Variants in XKR6 observed in about 807,000 individuals in gnomAD.
XKR6 encodes XK-related protein 6.
In XKR6, 22 loss-of-function variants were observed where a neutral mutation model predicts 56.7. That is an observed-to-expected ratio of 0.39 (90% CI 0.28 to 0.55). XKR6 has a LOEUF of 0.55. XKR6 is among the 20% of genes least tolerant of loss of function. The probability of loss-of-function intolerance (pLI) is 0.66; values close to 1 mark genes in which losing one functional copy is unlikely to be tolerated. For synonymous variants in XKR6, 524 were observed against 387.8 expected (o/e 1.35, Z -4.13); for missense variants, 852 against 889.0 (o/e 0.96, Z 0.53).
intron 1 of XKR6, among the ~76,000 whole-genome samples, chr8:11,176,256 T>C (rs1802649833): frequency 6.6e-6 from 1 of 152,254 alleles, no homozygotes; most frequent in African/African-American, 2.4e-5. Flanking sequence ...TCCTTTGTTT[T>C]GATCTTTATA....
intron 1 of XKR6, among the ~76,000 whole-genome samples, chr8:11,199,996 C>T (rs1366290538): frequency 2.6e-5 from 4 of 151,978 alleles, no homozygotes; most frequent in African/African-American, 9.7e-5. Flanking sequence ...GTCTTTTTTC[C>T]TTCTGGGAAA....
At chr8:11,169,154 A>C (rs948794034) in intron 1 of XKR6, among the ~76,000 whole-genome samples, 1 of 151,854 alleles carries the variant, frequency 6.6e-6, no homozygotes, top group Non-Finnish European at 1.5e-5. Context: ...AAAAACCCCA[A>C]ATCTAGCCTC....
At chr8:11,035,750 G>A (rs987487055) in intron 1 of XKR6, among the ~76,000 whole-genome samples, 2 of 152,136 alleles carry the variant, frequency 1.3e-5, no homozygotes, top group African/African-American at 4.8e-5. Context: ...GAGGCAGGAA[G>A]GAGATTAGTG....
chr8:11,187,446 C>T (rs1028141329), intron 1 of XKR6, among the ~76,000 whole-genome samples: 3 of 152,178 alleles, frequency 2.0e-5, no homozygotes, highest in Admixed American at 2.0e-4. Flanking sequence ...ACTGCTGCAA[C>T]ACATGTCTCC....
At chr8:11,128,663 A>G (rs1249785003) in intron 1 of XKR6, 3 of 373,434 alleles carry the variant, frequency 8.0e-6, no homozygotes, top group Non-Finnish European at 5.3e-6. Context: ...AGAGAATGAT[A>G]CACAAGATGA....
chr8:10,989,337 C>G (rs527489841), intron 1 of XKR6, among the ~76,000 whole-genome samples: 5 of 152,346 alleles, frequency 3.3e-5, no homozygotes, highest in Non-Finnish European at 7.3e-5. Context: ...GAAAACAAGA[C>G]AGCCAGAAGG....
intron 1 of XKR6, among the ~76,000 whole-genome samples, chr8:11,068,286 A>T (rs1389615116): frequency 1.3e-5 from 2 of 151,764 alleles, no homozygotes; most frequent in African/African-American, 2.4e-5. Flanking sequence ...GGGGGCGGCT[A>T]TGGTCATCTT....
intron 1 of XKR6, among the ~76,000 whole-genome samples, chr8:11,037,066 C>T (rs1010409066): frequency 2.6e-5 from 4 of 152,128 alleles, no homozygotes; most frequent in Admixed American, 1.3e-4. Context: ...TATGACGAGG[C>T]GTGGATATCA....
intron 1 of XKR6, among the ~76,000 whole-genome samples, chr8:11,064,171 T>C (rs1586496418): frequency 6.6e-6 from 1 of 152,206 alleles, no homozygotes; most frequent in Non-Finnish European, 1.5e-5. Context: ...ATAAATGGTT[T>C]CATCTTTCAT....
At chr8:11,067,857 C>G (rs1800020524) in intron 1 of XKR6, among the ~76,000 whole-genome samples, 1 of 152,242 alleles carries the variant, frequency 6.6e-6, no homozygotes, top group African/African-American at 2.4e-5. Flanking sequence ...CAGGACTGCT[C>G]TGGGGTTGCA....
intron 1 of XKR6, among the ~76,000 whole-genome samples, chr8:11,109,938 G>A (rs1011302788): frequency 6.6e-6 from 1 of 152,050 alleles, no homozygotes; most frequent in Non-Finnish European, 1.5e-5. Context: ...AATTTAACGT[G>A]ACTTTTAAAA....
chr8:11,052,739 T>A (rs1799584192), intron 1 of XKR6, among the ~76,000 whole-genome samples: 1 of 141,046 alleles, frequency 7.1e-6, no homozygotes, highest in Non-Finnish European at 1.5e-5. Flanking sequence ...CCAGTTGGAA[T>A]GGCCTTGCCC....
chr8:11,109,665 T>C (rs1563142330), intron 1 of XKR6: 1 of 152,334 alleles, frequency 6.6e-6, no homozygotes, highest in African/African-American at 2.4e-5. Context: ...TCTGAAGTTT[T>C]TCCTTCTTGG....
At chr8:11,122,549 A>G (rs1247834311) in intron 1 of XKR6, among the ~76,000 whole-genome samples, 2 of 152,232 alleles carry the variant, frequency 1.3e-5, no homozygotes, top group African/African-American at 4.8e-5. Context: ...AAGCAGTGGC[A>G]GGTATAAGAT....
chr8:11,162,431 T>G (rs1039889820), intron 1 of XKR6, among the ~76,000 whole-genome samples: 30 of 152,240 alleles, frequency 2.0e-4, no homozygotes, highest in African/African-American at 7.2e-4. Context: ...AGTAGAGTAA[T>G]CGTGATCAAT....
rs768500760 is a variant in XKR6, at chr8:11,173,416, C to CAT, written c.764+27158_764+27159dup. Among the ~76,000 whole-genome samples the CAT allele has an allele frequency of 1.6e-3, 246 of 149,372 alleles. 3 individuals carry two copies. The East Asian group carries it at 0.03, about 18-fold the overall frequency. On this transcript the variant is annotated intron_variant, in intron 1 of 2. Transcript: ENST00000416569. ...ATATATACATATATATATACATATACATATATATATATAACAGCTCCCAGA... is the reference window on the plus strand; with the variant it reads ...ATATATACATATATATATACATATACATATATATATATATAACAGCTCCCAGA...
intron 1 of XKR6, among the ~76,000 whole-genome samples, chr8:11,178,382 G>A (rs1192433018): frequency 1.3e-5 from 2 of 151,602 alleles, no homozygotes; most frequent in Non-Finnish European, 2.9e-5. Context: ...ATGTGGCTTC[G>A]GTCATCAAGC....
intron 1 of XKR6, among the ~76,000 whole-genome samples, chr8:10,986,703 C>A (rs1283525945): frequency 1.3e-5 from 2 of 152,006 alleles, no homozygotes; most frequent in Non-Finnish European, 2.9e-5. Context: ...GACAATATTC[C>A]TTTTAATCTC....
intron 1 of XKR6, among the ~76,000 whole-genome samples, chr8:11,159,305 T>A (rs1801677761): frequency 6.6e-6 from 1 of 152,230 alleles, no homozygotes; most frequent in Non-Finnish European, 1.5e-5. Context: ...CTGCTGCATA[T>A]AATTTAAGTA....
Sources: gnomAD v4.1 joint callset for allele counts (sites outside exome capture counted in the v4.1 genomes callset) on GRCh38, gnomAD v4.1.1 for gene constraint, MANE v1.5 for transcripts, NCBI Gene and HGNC (gene_info 2026-07-23, HGNC 2026-07-21) for gene names.